Variants in CADPS2 observed in about 807,000 individuals in gnomAD.
CADPS2 encodes the protein calcium dependent secretion activator 2, also known as calcium-dependent secretion activator 2.
CADPS2 carries 93 observed loss-of-function variants against 172.5 expected under a neutral mutation model. The observed-to-expected ratio is 0.54, with a 90% CI of 0.46 to 0.64. The LOEUF (loss-of-function observed/expected upper bound fraction) is 0.64, where lower values mean the gene tolerates loss of function less well. CADPS2 is among the 30% of genes least tolerant of loss of function. CADPS2 has a pLI of 0.00. For synonymous variants in CADPS2, 546 were observed against 555.2 expected (o/e 0.98, Z 0.23); for missense variants, 1,420 against 1,565.9 (o/e 0.91, Z 1.57).
chr7:122,460,956 T>G, intron 14 of CADPS2, among the ~76,000 whole-genome samples: 1 of 152,222 alleles, frequency 6.6e-6, no homozygotes, highest in East Asian at 1.9e-4. Flanking sequence ...CAATATAATT[T>G]TGTTGGGACA....
chr7:122,387,597 C>T (rs763508561), intron 23 of CADPS2, among the ~76,000 whole-genome samples: 1 of 152,034 alleles, frequency 6.6e-6, no homozygotes, highest in Non-Finnish European at 1.5e-5. Flanking sequence ...AAAATAAGCA[C>T]AAACCTAGAA....
At chr7:122,399,286 G>A (rs114665440) in intron 20 of CADPS2, among the ~76,000 whole-genome samples, 1,938 of 152,174 alleles carry the variant, frequency 0.013, 37 homozygotes, top group African/African-American at 0.044. Context: ...ATATATGTGC[G>A]TATCCTCCAC....
intron 22 of CADPS2, among the ~76,000 whole-genome samples, chr7:122,391,963 C>T (rs945195066): frequency 6.6e-6 from 1 of 152,010 alleles, no homozygotes; most frequent in African/African-American, 2.4e-5. Flanking sequence ...AGTTTGGTTT[C>T]TTAGTTTCTT....
chr7:122,451,202 T>C (rs1317611158), intron 15 of CADPS2, among the ~76,000 whole-genome samples, 172 bp downstream of exon 15: 1 of 152,126 alleles, frequency 6.6e-6, no homozygotes, highest in African/African-American at 2.4e-5. Flanking sequence ...GACTGAATGA[T>C]ACGCTGAGAA....
chr7:122,596,707 C>T (rs1384048740), intron 6 of CADPS2, among the ~76,000 whole-genome samples: 1 of 152,042 alleles, frequency 6.6e-6, no homozygotes, highest in Non-Finnish European at 1.5e-5. Context: ...ATATTCAAGA[C>T]AGAAGACAAT....
intron 2 of CADPS2, among the ~76,000 whole-genome samples, chr7:122,716,937 T>G (rs369588158): frequency 3.3e-5 from 5 of 152,244 alleles, no homozygotes; most frequent in African/African-American, 9.6e-5. Flanking sequence ...AACATGACTT[T>G]TTCTACTAGA....
At chr7:122,609,097 A>C (rs982685018) in intron 6 of CADPS2, among the ~76,000 whole-genome samples, 11 of 152,100 alleles carry the variant, frequency 7.2e-5, no homozygotes, top group African/African-American at 2.7e-4. Context: ...TTTAATAATG[A>C]ATTTCCTTAT....
At chr7:122,745,495 T>C (rs1481231002) in intron 1 of CADPS2, among the ~76,000 whole-genome samples, 1 of 151,736 alleles carries the variant, frequency 6.6e-6, no homozygotes, top group East Asian at 2.0e-4. Context: ...ATAAAAGGTG[T>C]TTATCCCTAC....
chr7:122,878,355 A>G (rs1821848507), intron 1 of CADPS2, among the ~76,000 whole-genome samples: 2 of 151,802 alleles, frequency 1.3e-5, no homozygotes, highest in South Asian at 4.2e-4. Context: ...ACCAGAAATT[A>G]AAACGCAATG....
chr7:122,816,845 C>A (rs1801569117), intron 1 of CADPS2, among the ~76,000 whole-genome samples: 2 of 151,976 alleles, frequency 1.3e-5, no homozygotes, highest in Admixed American at 6.5e-5. Flanking sequence ...CCTGCCCCAC[C>A]TTAACTGATG....
At chr7:122,725,296 G>A (rs2090960344) in intron 2 of CADPS2, among the ~76,000 whole-genome samples, 1 of 151,840 alleles carries the variant, frequency 6.6e-6, no homozygotes. Flanking sequence ...ATCCCTGTTT[G>A]CAAACTACAA....
At chr7:122,670,644 C>CA (rs1275997330) in intron 2 of CADPS2, among the ~76,000 whole-genome samples, 1 of 151,962 alleles carries the variant, frequency 6.6e-6, no homozygotes, top group Non-Finnish European at 1.5e-5. Flanking sequence ...AGTACAGGCA[C>CA]AAGCCACCAC....
intron 6 of CADPS2, among the ~76,000 whole-genome samples, chr7:122,594,617 A>G (rs1176194255): frequency 6.6e-6 from 1 of 152,020 alleles, no homozygotes; most frequent in East Asian, 1.9e-4. Flanking sequence ...TTCTTCTGGG[A>G]AAGTCTAGCA....
intron 2 of CADPS2, among the ~76,000 whole-genome samples, chr7:122,720,577 C>T (rs1359502202): frequency 6.7e-6 from 1 of 149,888 alleles, no homozygotes; most frequent in South Asian, 2.1e-4. Context: ...TATATACATA[C>T]ACATGTATAT....
At chr7:122,578,401 G>A (rs2068333077) in intron 7 of CADPS2, among the ~76,000 whole-genome samples, 1 of 152,124 alleles carries the variant, frequency 6.6e-6, no homozygotes, top group Non-Finnish European at 1.5e-5. Flanking sequence ...TGTAAGGAAA[G>A]AATGACAGTA....
intron 20 of CADPS2, among the ~76,000 whole-genome samples, chr7:122,406,494 A>G (rs1470942841): frequency 1.3e-5 from 2 of 152,068 alleles, no homozygotes; most frequent in African/African-American, 4.8e-5. Flanking sequence ...GAAGGAAAGC[A>G]CCTCTCATTT....
At chr7:122,786,732 A>C (rs1173987972) in intron 1 of CADPS2, among the ~76,000 whole-genome samples, 3 of 152,174 alleles carry the variant, frequency 2.0e-5, no homozygotes, top group Non-Finnish European at 4.4e-5. Flanking sequence ...TGAGTCGAGG[A>C]CAATAAAGCA....
At chr7:122,412,185 C>A (rs12533664) in intron 19 of CADPS2, among the ~76,000 whole-genome samples, 1 of 151,946 alleles carries the variant, frequency 6.6e-6, no homozygotes, top group African/African-American at 2.4e-5. Context: ...AAATTTGAAC[C>A]CATCCTAAAA....
rs372077223 is a variant in CADPS2 at position 122,757,356 on chromosome 7, C to T, written c.340-20288G>A. 5.3e-5 allele frequency among the ~76,000 whole-genome samples: 8 copies of T among 152,112 alleles called. No individual in the cohort carries two copies. In the East Asian group the frequency reaches 1.5e-3, roughly 29 times the overall value. ...TAGAGACGGGGTTTCGCCAAGTTGT[C>T]CAGGCTGGTCTCAAACTTCCTGGCT... On this transcript the variant is annotated intron_variant, in intron 1 of 29. Coordinates refer to ENST00000449022, the MANE Select transcript of CADPS2 (RefSeq NM_017954.11).
Sources: gnomAD v4.1 joint callset for allele counts (sites outside exome capture counted in the v4.1 genomes callset) on GRCh38, gnomAD v4.1.1 for gene constraint, MANE v1.5 for transcripts, NCBI Gene and HGNC (gene_info 2026-07-23, HGNC 2026-07-21) for gene names.